ANKS1B: variants seen among roughly 807,000 people sequenced by gnomAD.
ANKS1B encodes the protein ankyrin repeat and sterile alpha motif domain-containing protein 1B.
Under a neutral mutation model 148.3 loss-of-function variants are expected in ANKS1B, and 36 were observed. That is an observed-to-expected ratio of 0.24 (90% confidence interval 0.19 to 0.32). ANKS1B has a LOEUF of 0.32. Ranked by LOEUF, ANKS1B falls within the 10% of genes least tolerant of loss-of-function variation. ANKS1B has a pLI of 1.00. For synonymous variants in ANKS1B, 542 were observed against 560.8 expected, an observed-to-expected ratio of 0.97 and a Z score of 0.47; for missense variants, 1,157 against 1,542.6, an observed-to-expected ratio of 0.75 and a Z score of 4.19.
intron 12 of ANKS1B, among the ~76,000 whole-genome samples, chr12:99,360,253 G>C (rs891920319): frequency 2.0e-4 from 30 of 151,994 alleles, no homozygotes; most frequent in Non-Finnish European, 7.4e-5. Flanking sequence ...ATGTCTTCAG[G>C]TCACACTATT....
At chr12:98,914,374 A>G (rs1449260317) in intron 17 of ANKS1B, among the ~76,000 whole-genome samples, 1 of 152,140 alleles carries the variant, frequency 6.6e-6, no homozygotes, top group Non-Finnish European at 1.5e-5. Flanking sequence ...TAAATTACCC[A>G]GCCTCAGGCA....
At chr12:99,412,446 A>G (rs971676726) in intron 11 of ANKS1B, among the ~76,000 whole-genome samples, 1 of 152,192 alleles carries the variant, frequency 6.6e-6, no homozygotes, top group African/African-American at 2.4e-5. Context: ...TTTGATAACC[A>G]TGCCCTGTTG....
intron 15 of ANKS1B, among the ~76,000 whole-genome samples, chr12:99,102,908 G>T (rs930884761): frequency 4.6e-5 from 7 of 152,036 alleles, no homozygotes; most frequent in Non-Finnish European, 7.4e-5. Context: ...CAACCTAGGC[G>T]ACCGATAGAT....
chr12:99,918,668 A>C (rs1363548673), intron 1 of ANKS1B, among the ~76,000 whole-genome samples: 1 of 152,188 alleles, frequency 6.6e-6, no homozygotes. Context: ...CTTGGAGCAA[A>C]GCATTCCTAT....
chr12:99,627,717 T>C (rs1387898327), intron 9 of ANKS1B, among the ~76,000 whole-genome samples: 1 of 152,062 alleles, frequency 6.6e-6, no homozygotes, highest in East Asian at 1.9e-4. Context: ...GAAACAAATG[T>C]TATCATCTAA....
At chr12:99,111,020 C>A (rs568264585) in intron 15 of ANKS1B, among the ~76,000 whole-genome samples, 1 of 152,298 alleles carries the variant, frequency 6.6e-6, no homozygotes, top group Non-Finnish European at 1.5e-5. Flanking sequence ...TATCACACTG[C>A]ATCGAAGCTA....
At chr12:98,872,365 C>G (rs1247266868) in intron 17 of ANKS1B, among the ~76,000 whole-genome samples, 3 of 151,988 alleles carry the variant, frequency 2.0e-5, no homozygotes, top group African/African-American at 4.8e-5. Flanking sequence ...ACAGTGAAAC[C>G]CTGTCTCTAC....
intron 9 of ANKS1B, among the ~76,000 whole-genome samples, chr12:99,622,250 T>C (rs2098062119): frequency 6.6e-6 from 1 of 151,876 alleles, no homozygotes. Context: ...GCACTGTTAG[T>C]AGGAAAGTTT....
At chr12:98,895,454 G>A (rs1393734295) in intron 17 of ANKS1B, among the ~76,000 whole-genome samples, 4 of 152,222 alleles carry the variant, frequency 2.6e-5, no homozygotes, top group African/African-American at 4.8e-5. Flanking sequence ...CCGCTGGAGA[G>A]AGGAGGACGA....
intron 19 of ANKS1B, among the ~76,000 whole-genome samples, chr12:98,817,540 G>A (rs952436039): frequency 2.6e-5 from 4 of 152,148 alleles, no homozygotes; most frequent in African/African-American, 9.7e-5. Context: ...GCCCACCATC[G>A]GAGACAGAGG....
intron 8 of ANKS1B, among the ~76,000 whole-genome samples, chr12:99,750,592 C>T (rs965723339): frequency 6.6e-6 from 1 of 152,048 alleles, no homozygotes; most frequent in African/African-American, 2.4e-5. Context: ...CCTAGTCTTG[C>T]AGTTTGGGAC....
chr12:99,336,907 C>A (rs571278390), intron 12 of ANKS1B, among the ~76,000 whole-genome samples: 1 of 151,952 alleles, frequency 6.6e-6, no homozygotes, highest in African/African-American at 2.4e-5. Flanking sequence ...TTATTTGTTT[C>A]TTTTCTCTTG....
chr12:99,338,094 C>T (rs1328152347), intron 12 of ANKS1B, among the ~76,000 whole-genome samples: 4 of 152,144 alleles, frequency 2.6e-5, no homozygotes, highest in African/African-American at 9.7e-5. Flanking sequence ...TCCAGACAGG[C>T]TTGTGTACTT....
At chr12:99,884,691 C>CA (rs895421760) in intron 1 of ANKS1B, among the ~76,000 whole-genome samples, 20 of 151,552 alleles carry the variant, frequency 1.3e-4, no homozygotes, top group African/African-American at 4.4e-4. Flanking sequence ...CTGGAAAAAG[C>CA]AAAAAAACAG....
At chr12:99,588,623 C>T (rs1229708546) in intron 9 of ANKS1B, among the ~76,000 whole-genome samples, 1 of 152,086 alleles carries the variant, frequency 6.6e-6, no homozygotes, top group African/African-American at 2.4e-5. Flanking sequence ...GATGATATTA[C>T]TTCCAGGCCA....
At chr12:99,135,503 C>G (rs2067718992) in intron 15 of ANKS1B, among the ~76,000 whole-genome samples, 1 of 152,184 alleles carries the variant, frequency 6.6e-6, no homozygotes, top group South Asian at 2.1e-4. Flanking sequence ...GATCCTGAAA[C>G]TTCCAGAGAG....
intron 8 of ANKS1B, among the ~76,000 whole-genome samples, chr12:99,757,753 T>G (rs1405400379): frequency 2.0e-5 from 3 of 152,018 alleles, no homozygotes; most frequent in Admixed American, 6.6e-5. Context: ...TGGAATACTA[T>G]GCCACCATAA....
chr12:99,298,119 G>C lies in ANKS1B; in HGVS notation c.1757-51255C>G, dbSNP rs556045018. On this transcript the variant is annotated intron_variant, in intron 12 of 26. Coordinates refer to ENST00000683438, the MANE Select transcript of ANKS1B (RefSeq NM_001352186.2). ...ATCTGTCTATACCTGTCAGATGTCTGTACATGTCAGGAATAAAGCTAACGG... is the reference window on the plus strand; with the variant it reads ...ATCTGTCTATACCTGTCAGATGTCTCTACATGTCAGGAATAAAGCTAACGG... Among the ~76,000 whole-genome samples, 7 of 152,190 alleles carry C rather than the reference G, an allele frequency of 4.6e-5. No homozygotes were observed. In the East Asian group the frequency reaches 1.2e-3, roughly 25 times the overall value.
chr12:98,764,305 C>T, intron 25 of ANKS1B, among the ~76,000 whole-genome samples: 1 of 152,206 alleles, frequency 6.6e-6, no homozygotes, highest in East Asian at 1.9e-4. Flanking sequence ...CAGCTCACTG[C>T]AACCTTCGCC....
Sources: allele counts gnomAD v4.1 joint callset (sites outside exome capture counted in the v4.1 genomes callset), GRCh38; gene constraint gnomAD v4.1.1; transcripts MANE v1.5; gene names NCBI Gene and HGNC (gene_info 2026-07-23, HGNC 2026-07-21).